The following DLGAP1 variants were observed in gnomAD, a reference collection of about 807,000 sequenced individuals.
DLGAP1 encodes DLG associated protein 1.
In DLGAP1, 11 loss-of-function variants were observed where a neutral mutation model predicts 90.8. That is an observed-to-expected ratio of 0.12 (90% CI 0.08 to 0.20). DLGAP1 has a LOEUF of 0.20. Among genes scored for constraint, DLGAP1 ranks in the 10% least tolerant of loss-of-function variants. The pLI, the probability that DLGAP1 is intolerant of heterozygous loss-of-function variation, is 1.00. For missense variants in DLGAP1, 1,050 were observed against 1,333.8 expected, an observed-to-expected ratio of 0.79 and a Z score of 3.31; for synonymous variants, 558 against 540.7, an observed-to-expected ratio of 1.03 and a Z score of -0.44.
At chr18:4,273,676 T>C (rs1293486472) in intron 1 of DLGAP1, among the ~76,000 whole-genome samples, 3 of 152,120 alleles carry the variant, frequency 2.0e-5, no homozygotes, top group Non-Finnish European at 2.9e-5. Context: ...CTCAAGCAGT[T>C]CTCCCAATTC....
intron 10 of DLGAP1, among the ~76,000 whole-genome samples, chr18:3,518,868 C>A (rs1395195848): frequency 6.6e-6 from 1 of 152,184 alleles, no homozygotes; most frequent in Non-Finnish European, 1.5e-5. Flanking sequence ...TCCTGCAAAT[C>A]TTCACACTCC....
At chr18:4,185,320 A>G (rs2077274000) in intron 1 of DLGAP1, among the ~76,000 whole-genome samples, 1 of 151,572 alleles carries the variant, frequency 6.6e-6, no homozygotes, top group Admixed American at 6.6e-5. Flanking sequence ...TTTCTTACGT[A>G]GGTAAACTTG....
rs549089992 is a variant in DLGAP1 at position 3,571,418 on chromosome 18, A to C, written c.1966-3837T>G. On this transcript the variant is annotated intron_variant, in intron 8 of 12. Transcript: ENST00000315677. Reference sequence around the variant, plus strand: ...CTTACTGTGGACACCCCATCACTATAGTGCACTACAGCCCAAGACTCCTGG... The same window carrying C: ...CTTACTGTGGACACCCCATCACTATCGTGCACTACAGCCCAAGACTCCTGG... 5 of 152,150 alleles carry C rather than the reference A, an allele frequency of 3.3e-5. No individual in the cohort carries two copies. The East Asian group carries it at 9.8e-4, about 30-fold the overall frequency. The allele number at this position is 152,150 out of a possible 1,614,324, so 9.4% of individuals were successfully genotyped here.
intron 4 of DLGAP1, among the ~76,000 whole-genome samples, chr18:3,852,495 A>G (rs2148691868): frequency 6.6e-6 from 1 of 152,312 alleles, no homozygotes; most frequent in East Asian, 1.9e-4. Context: ...TTTGGGTAAC[A>G]CTGTTTCCTC....
At chr18:4,086,822 A>C (rs1305098414) in intron 2 of DLGAP1, among the ~76,000 whole-genome samples, 1 of 150,884 alleles carries the variant, frequency 6.6e-6, no homozygotes, top group Non-Finnish European at 1.5e-5. Context: ...ATCCTTATTG[A>C]TTTTCTTTCT....
At chr18:3,725,463 C>T (rs1003658795) in intron 7 of DLGAP1, among the ~76,000 whole-genome samples, 1 of 152,122 alleles carries the variant, frequency 6.6e-6, no homozygotes, top group Admixed American at 6.5e-5. Flanking sequence ...CTACTGTTAC[C>T]TGAAATATTT....
chr18:4,454,041 C>CA lies in DLGAP1; in HGVS notation c.-267+964dup, dbSNP rs1474168318. Among the ~76,000 whole-genome samples the CA allele has an allele frequency of 6.6e-6, 1 of 152,210 alleles. No homozygotes were observed. Among genetic ancestry groups the CA allele is most frequent in the Non-Finnish European group, 1.5e-5 (1 of 68,030 alleles). On this transcript the variant is annotated intron_variant, in intron 1 of 12. Coordinates refer to ENST00000315677, the MANE Select transcript of DLGAP1 (RefSeq NM_004746.4). The surrounding 1 kb of genome is among the most constrained non-coding windows in gnomAD (Gnocchi z 4.7). ...AGCGCGGCACTCGGACACAGGCACT[C>CA]AGTGTCTCCGGCGCCGGCAGCCGAG...
Position 4,355,372 on chromosome 18 carries a change from A to G in DLGAP1, c.-267+99634T>C, listed in dbSNP as rs139706256. On this transcript the variant is annotated intron_variant, in intron 1 of 12. Transcript: ENST00000315677. ...CCCTTCAAAGGTTACATATGGTGTGATTCCATTTATGTAATATTATTGGAA... is the reference window on the plus strand; with the variant it reads ...CCCTTCAAAGGTTACATATGGTGTGGTTCCATTTATGTAATATTATTGGAA... 2.7e-3 allele frequency among the ~76,000 whole-genome samples: 404 copies of G among 152,348 alleles called. 2 individuals are homozygous for G. Among genetic ancestry groups the G allele is most frequent in the African/African-American group, 9.1e-3 (379 of 41,578 alleles).
chr18:4,368,021 C>T (rs1025705797), intron 1 of DLGAP1, among the ~76,000 whole-genome samples: 4 of 152,100 alleles, frequency 2.6e-5, no homozygotes, highest in African/African-American at 9.7e-5. Context: ...ACATTACACA[C>T]ATATGCAATG....
chr18:3,961,811 G>A (rs1225367548), intron 3 of DLGAP1, among the ~76,000 whole-genome samples: 2 of 152,218 alleles, frequency 1.3e-5, no homozygotes, highest in African/African-American at 4.8e-5. Flanking sequence ...GGGCTTGGGG[G>A]CCTGCAGACT....
rs963676046 is a variant in DLGAP1, at chr18:4,343,819, C to T, written c.-267+111187G>A. On this transcript the variant is annotated intron_variant, in intron 1 of 12. Coordinates refer to ENST00000315677, the MANE Select transcript of DLGAP1 (RefSeq NM_004746.4). ...ATAATAAATTTTTTTAAGTTACTTC[C>T]CTTTATAAATTAAGATTTATTTTAA... 3.9e-5 allele frequency among the ~76,000 whole-genome samples: 6 copies of T among 152,040 alleles called. No homozygotes were observed. The East Asian group carries it at 1.2e-3, about 29-fold the overall frequency.
Position 4,405,724 on chromosome 18 carries a change from A to C in DLGAP1, c.-267+49282T>G, listed in dbSNP as rs550143972. Among the ~76,000 whole-genome samples the C allele has an allele frequency of 4.6e-5, 7 of 152,234 alleles. No homozygotes were observed. In the East Asian group the frequency reaches 1.4e-3, roughly 29 times the overall value. On this transcript the variant is annotated intron_variant, in intron 1 of 12. Coordinates refer to ENST00000315677, the MANE Select transcript of DLGAP1 (RefSeq NM_004746.4). ...TCTTGTGCGCTTAGAAGACTATCTCAAGACAAAGATGGGTCCAGGGAGTTC... is the reference window on the plus strand; with the variant it reads ...TCTTGTGCGCTTAGAAGACTATCTCCAGACAAAGATGGGTCCAGGGAGTTC...
intron 2 of DLGAP1, among the ~76,000 whole-genome samples, chr18:4,077,915 A>T (rs2075548114): frequency 6.6e-6 from 1 of 152,154 alleles, no homozygotes. Context: ...TCTGAACCAT[A>T]GAAAGTGCCA....
intron 1 of DLGAP1, among the ~76,000 whole-genome samples, chr18:4,352,074 G>A (rs2081415079): frequency 6.6e-6 from 1 of 152,178 alleles, no homozygotes; most frequent in South Asian, 2.1e-4. Flanking sequence ...ATAAACTTTC[G>A]AAATGGCATC....
chr18:3,588,643 G>A (rs1451482433), intron 7 of DLGAP1, among the ~76,000 whole-genome samples: 2 of 151,108 alleles, frequency 1.3e-5, no homozygotes, highest in African/African-American at 4.9e-5. Context: ...AGCCAGGCGT[G>A]GTGGTGTGTG....
At chr18:3,742,572 CAT>C in intron 5 of DLGAP1, 60 bp from the exon 6 acceptor site, 3 of 1,587,026 alleles carry the variant, frequency 1.9e-6, no homozygotes, top group South Asian at 1.1e-5. Context: ...GAAGCAATAA[CAT>C]GTGGCACTAT....
At chr18:4,076,126 A>G (rs1379239243) in intron 2 of DLGAP1, among the ~76,000 whole-genome samples, 1 of 152,166 alleles carries the variant, frequency 6.6e-6, no homozygotes, top group Non-Finnish European at 1.5e-5. Flanking sequence ...CTGAAACTTC[A>G]TTTATTGGTT....
chr18:3,583,649 G>C (rs1476504267), intron 7 of DLGAP1, among the ~76,000 whole-genome samples: 2 of 152,184 alleles, frequency 1.3e-5, no homozygotes, highest in Non-Finnish European at 2.9e-5. Flanking sequence ...ACTTGGTCAA[G>C]TCAAGGGCCT....
chr18:4,125,885 T>C (rs2076224758), intron 2 of DLGAP1, among the ~76,000 whole-genome samples: 1 of 152,150 alleles, frequency 6.6e-6, no homozygotes, highest in Non-Finnish European at 1.5e-5. Flanking sequence ...AGGTGGCTGC[T>C]ACGAACATTT....
Sources: allele counts gnomAD v4.1 joint callset (sites outside exome capture counted in the v4.1 genomes callset), GRCh38; gene constraint gnomAD v4.1.1; non-coding constraint Gnocchi (gnomAD v3.1); transcripts MANE v1.5; gene names NCBI Gene and HGNC (gene_info 2026-07-23, HGNC 2026-07-21).